Variants in ZDBF2 observed in about 807,000 individuals in gnomAD.
The protein encoded by ZDBF2 is zinc finger DBF-type containing 2.
In ZDBF2, 6 loss-of-function variants were observed where a neutral mutation model predicts 9.4. That is an observed-to-expected ratio of 0.64 (90% CI 0.35 to 1.27). The LOEUF is 1.27. ZDBF2 is among the 50% of genes most tolerant of loss of function. The pLI, the probability that ZDBF2 is intolerant of heterozygous loss-of-function variation, is 0.03. For missense variants in ZDBF2, 2,697 were observed against 2,766.8 expected (o/e 0.97, Z 0.57); for synonymous variants, 905 against 946.3 (o/e 0.96, Z 0.80).
rs761666668 is a variant in ZDBF2 at position 206,309,882 on chromosome 2, A to C, written c.5354A>C (p.His1785Pro). The C allele has an allele frequency of 8.7e-6, 14 of 1,613,982 alleles. No individual in the cohort carries two copies. In the South Asian group the frequency reaches 1.5e-4, roughly 18 times the overall value. The stretch of plus-strand genomic sequence containing the variant: ...TCTTCTGACTTGAAAGAAAAGAACC[A>C]TGATTCCCAGTCAAGCTCTGTTCTC... Reference protein sequence around the residue: ...KVSSDLKEKNHDSQSSSVLKV... With the variant: ...KVSSDLKEKNPDSQSSSVLKV... The change falls in exon 5 of 5, where the codon CAT (histidine) becomes CCT (proline). Residue 1785 changes from histidine to proline, a missense_variant. Around this residue, in one of 3 missense-constraint regions of ZDBF2, gnomAD observed 1,783 missense variants for 1,776.5 expected, o/e 1.00. Transcript: ENST00000374423.
At chr2:206,287,168 G>A (rs151232286) in intron 3 of ZDBF2, among the ~76,000 whole-genome samples, 9 of 152,286 alleles carry the variant, frequency 5.9e-5, no homozygotes, top group Non-Finnish European at 1.0e-4. Context: ...CTACCAGTGA[G>A]TTTTTATACT....
intron 4 of ZDBF2, among the ~76,000 whole-genome samples, chr2:206,298,738 C>T (rs1326869497): frequency 6.6e-6 from 1 of 151,964 alleles, no homozygotes; most frequent in African/African-American, 2.4e-5. Flanking sequence ...GTTGGCCAGG[C>T]TGGTCTTGAA....
chr2:206,282,738 AC>A (rs958635015), intron 3 of ZDBF2, among the ~76,000 whole-genome samples: 8 of 152,324 alleles, frequency 5.3e-5, no homozygotes, highest in African/African-American at 1.7e-4. Context: ...TACACCATAA[AC>A]TTGACCCTTT....
At chr2:206,281,974 T>C (rs1323903529) in intron 3 of ZDBF2, 65 bp downstream of exon 3, 26 of 1,364,470 alleles carry the variant, frequency 1.9e-5, no homozygotes, top group Non-Finnish European at 2.4e-5. Context: ...TCTTACATTT[T>C]ATTAAATTAA....
In ZDBF2 at chr2:206,311,475, A is replaced by G. The variant is rs778588054; in HGVS notation, c.6947A>G (p.Gln2316Arg). The change falls in exon 5 of 5, where the codon CAG becomes CGG. Residue 2316 changes from glutamine to arginine, a missense_variant. Physicochemically the swap from Gln to Arg is conservative, Grantham distance 43 (BLOSUM62 1). This residue lies in a region of ZDBF2 where 1,783 missense variants were observed against 1,776.5 expected (regional missense o/e 1.00). Transcript: ENST00000374423. ...KKTDESYHGRQKGPSTPVRAY... is the reference protein window; with the variant it reads ...KKTDESYHGRRKGPSTPVRAY... ...ACTGATGAAAGCTACCATGGCCGAC[A>G]GAAAGGTCCTTCTACACCTGTGAGA... is the stretch of plus-strand genomic sequence containing the variant. 5 of 1,612,390 alleles carry G rather than the reference A, an allele frequency of 3.1e-6. No individual in the cohort carries two copies. Among genetic ancestry groups the G allele is most frequent in the East Asian group, 2.2e-5 (1 of 44,866 alleles).
chr2:206,276,775 C>T (rs553376460), intron 1 of ZDBF2, among the ~76,000 whole-genome samples: 1 of 152,310 alleles, frequency 6.6e-6, no homozygotes, highest in South Asian at 2.1e-4. Flanking sequence ...AGATAATGCA[C>T]AGGAAGCTGT....
Position 206,309,729 on chromosome 2 carries a change from A to T in ZDBF2, c.5201A>T (p.His1734Leu), listed in dbSNP as rs756273364. 6.2e-7 allele frequency: 1 copy of T among 1,613,878 alleles called. No homozygotes were observed. The highest frequency in any genetic ancestry group is 8.5e-7 in the Non-Finnish European group (1 of 1,179,824). The change falls in exon 5 of 5, where the codon CAT becomes CTT. Residue 1734 changes from histidine (H) to leucine (L), a missense_variant. Around this residue, in one of 3 missense-constraint regions of ZDBF2, gnomAD observed 1,783 missense variants for 1,776.5 expected, o/e 1.00. Transcript: ENST00000374423. The stretch of plus-strand genomic sequence containing the variant: ...AAAAAAAAACGTTCGAAGCTAAAAC[A>T]TAGAGATCTAGAAGTGAGCTGTGAA... The part of the protein sequence containing the change: ...ADKKKRSKLK[H>L]RDLEVSCEPD...
At position 206,311,479 on chromosome 2, in the gene ZDBF2, A is replaced by G. The variant is rs1167956666; in HGVS notation, c.6951A>G (p.Lys2317=). The G allele has an allele frequency of 2.5e-6, 4 of 1,611,426 alleles. No homozygotes were observed. The African/African-American group carries it at 4.0e-5, about 16-fold the overall frequency. ...ATGAAAGCTACCATGGCCGACAGAAAGGTCCTTCTACACCTGTGAGAGCAT... is the reference window on the plus strand; with the variant it reads ...ATGAAAGCTACCATGGCCGACAGAAGGGTCCTTCTACACCTGTGAGAGCAT... The part of the protein sequence containing the change: ...KTDESYHGRQ[K]GPSTPVRAYD... Residue 2317 remains lysine (K), a synonymous_variant, in exon 5 of 5, where the codon AAA becomes AAG. Transcript: ENST00000374423.
rs1360577974 is a variant in ZDBF2 at position 206,308,429 on chromosome 2, C to T, written c.3901C>T (p.Pro1301Ser). The part of the protein sequence containing the change: ...EPLQSVTNKI[P>S]GANKEINLLR... The stretch of plus-strand genomic sequence containing the variant: ...CCTTCAGTCCGTAACTAATAAAATT[C>T]CAGGGGCGAATAAAGAAATAAATCT... The change falls in exon 5 of 5, where the codon CCA becomes TCA. Residue 1301 changes from proline (P) to serine (S), a missense_variant. Around this residue, in one of 3 missense-constraint regions of ZDBF2, gnomAD observed 1,783 missense variants for 1,776.5 expected, o/e 1.00. Coordinates refer to ENST00000374423, the MANE Select transcript of ZDBF2 (RefSeq NM_020923.3). The T allele has an allele frequency of 6.2e-7, 1 of 1,613,300 alleles. No individual in the cohort carries two copies. The highest frequency in any genetic ancestry group is 8.5e-7 in the Non-Finnish European group (1 of 1,179,628).
chr2:206,281,904 G>T lies in ZDBF2; in HGVS notation c.55G>T (p.Glu19Ter). Reference sequence around the variant, plus strand: ...TTGCCGTGTGCAGTATAATAACCTGGAACAGGTGAGCGGTTTCTATTAATA... The same window carrying T: ...TTGCCGTGTGCAGTATAATAACCTGTAACAGGTGAGCGGTTTCTATTAATA... ...SYCRVQYNNL[E>*]QHLFSAQHRS... Residue 19 changes from glutamate to a stop codon, truncating the protein, a stop_gained, in exon 3 of 5, where the codon GAA becomes TAA. Coordinates refer to ENST00000374423, the MANE Select transcript of ZDBF2 (RefSeq NM_020923.3). LOFTEE classifies it high-confidence loss of function. 6.2e-7 allele frequency: 1 copy of T among 1,612,406 alleles called. No homozygotes were observed. Among genetic ancestry groups the T allele is most frequent in the Non-Finnish European group, 8.5e-7 (1 of 1,179,180 alleles).
Position 206,307,815 on chromosome 2 carries a change from A to G in ZDBF2, c.3287A>G (p.Gln1096Arg). 6.2e-7 allele frequency: 1 copy of G among 1,610,908 alleles called. No individual in the cohort carries two copies. Reference protein sequence around the residue: ...QLQEAVKKIDQWKEEVIGLKN... With the variant: ...QLQEAVKKIDRWKEEVIGLKN... ...CAGGAAGCGGTTAAAAAAATAGACC[A>G]ATGGAAGGAAGAGGTTATTGGCCTG... Residue 1096 changes from glutamine to arginine, a missense_variant, in exon 5 of 5, where the codon CAA becomes CGA. Coordinates refer to ENST00000374423, the MANE Select transcript of ZDBF2 (RefSeq NM_020923.3).
In ZDBF2 at chr2:206,307,995, G is replaced by A. The variant is rs1692912545; in HGVS notation, c.3467G>A (p.Ser1156Asn). 2.5e-6 allele frequency: 4 copies of A among 1,613,702 alleles called. No homozygotes were observed. Among genetic ancestry groups the A allele is most frequent in the Non-Finnish European group, 3.4e-6 (4 of 1,179,826 alleles). The change falls in exon 5 of 5, where the codon AGT (serine) becomes AAT (asparagine). Residue 1156 changes from serine (S) to asparagine (N), a missense_variant. Ser to Asn is a conservative substitution (Grantham distance 46, BLOSUM62 1). This residue lies in a region of ZDBF2 where 1,783 missense variants were observed against 1,776.5 expected (regional missense o/e 1.00). Coordinates refer to ENST00000374423, the MANE Select transcript of ZDBF2 (RefSeq NM_020923.3). Reference protein sequence around the residue: ...MYLEVKNSQYSCSEMNLDSGF... With the variant: ...MYLEVKNSQYNCSEMNLDSGF... Reference sequence around the variant, plus strand: ...TTGGAAGTTAAGAACAGCCAATATAGTTGTTCAGAAATGAATTTGGATTCT... The same window carrying A: ...TTGGAAGTTAAGAACAGCCAATATAATTGTTCAGAAATGAATTTGGATTCT...
rs1415739290 is a variant in ZDBF2, at chr2:206,305,251, A to C, written c.723A>C (p.Ser241=). ...PDGASRNPVP[S]SHVETTSFSY... ...GGGCCTCTAGAAATCCTGTGCCATC[A>C]TCCCATGTAGAAACTACTTCATTTT... is the stretch of plus-strand genomic sequence containing the variant. Residue 241 remains serine, a synonymous_variant, in exon 5 of 5, where the codon TCA becomes TCC. Coordinates refer to ENST00000374423, the MANE Select transcript of ZDBF2 (RefSeq NM_020923.3). 6 of 1,613,648 alleles carry C rather than the reference A, an allele frequency of 3.7e-6. No homozygotes were observed.
In ZDBF2 at chr2:206,310,886, C is replaced by G; in HGVS notation, c.6358C>G (p.Gln2120Glu). The G allele has an allele frequency of 6.2e-7, 1 of 1,613,904 alleles. No individual in the cohort carries two copies. ...GGCAAGATATGGATTTAATTCACAT[C>G]AGGGAACCAGTGACTCTTCTCTGTT... ...VPARYGFNSHQGTSDSSLFLE... is the reference protein window; with the variant it reads ...VPARYGFNSHEGTSDSSLFLE... The change falls in exon 5 of 5, where the codon CAG (glutamine) becomes GAG (glutamate). Residue 2120 changes from glutamine to glutamate, a missense_variant. This residue lies in a region of ZDBF2 where 1,783 missense variants were observed against 1,776.5 expected (regional missense o/e 1.00). Transcript: ENST00000374423.
At position 206,305,724 on chromosome 2, in the gene ZDBF2, A is replaced by G. The variant is rs764147360; in HGVS notation, c.1196A>G (p.Tyr399Cys). Reference sequence around the variant, plus strand: ...GAGCAAATTGACCAAGAAGATAACTATGAGTCTAGAGGTTCAGAAATGAGT... The same window carrying G: ...GAGCAAATTGACCAAGAAGATAACTGTGAGTCTAGAGGTTCAGAAATGAGT... ...KEEQIDQEDNYESRGSEMSFD... is the reference protein window; with the variant it reads ...KEEQIDQEDNCESRGSEMSFD... The change falls in exon 5 of 5, where the codon TAT (tyrosine) becomes TGT (cysteine). Residue 399 changes from tyrosine to cysteine, a missense_variant. This residue lies in a region of ZDBF2 where 910 missense variants were observed against 973.6 expected (regional missense o/e 0.93). Coordinates refer to ENST00000374423, the MANE Select transcript of ZDBF2 (RefSeq NM_020923.3). 2.1e-5 allele frequency: 34 copies of G among 1,613,666 alleles called. 1 individual carries two copies. The highest frequency in any genetic ancestry group is 1.5e-4 in the Admixed American group (9 of 59,950).
rs751599508 is a variant in ZDBF2 at position 206,309,003 on chromosome 2, A to G, written c.4475A>G (p.Gln1492Arg). 30 of 1,613,794 alleles carry G rather than the reference A, an allele frequency of 1.9e-5. No homozygotes were observed. The highest frequency in any genetic ancestry group is 2.4e-5 in the Non-Finnish European group (28 of 1,179,860). The change falls in exon 5 of 5, where the codon CAA becomes CGA. Residue 1492 changes from glutamine to arginine, a missense_variant. Gln to Arg is a conservative substitution (Grantham distance 43, BLOSUM62 1). This residue lies in a region of ZDBF2 where 1,783 missense variants were observed against 1,776.5 expected (regional missense o/e 1.00). Transcript: ENST00000374423. ...GTTGTCATGGAAGAAAAGACCGATC[A>G]ACCTAGTGATTCAGAAATGATGTAT... Reference protein sequence around the residue: ...EHVVMEEKTDQPSDSEMMYDS... With the variant: ...EHVVMEEKTDRPSDSEMMYDS...
intron 2 of ZDBF2, among the ~76,000 whole-genome samples, chr2:206,279,874 G>A (rs1213737498): frequency 3.9e-5 from 6 of 152,192 alleles, no homozygotes; most frequent in African/African-American, 1.4e-4. Context: ...GTGTGACCTC[G>A]GCATGCTGCA....
Position 206,307,200 on chromosome 2 carries a change from T to A in ZDBF2, c.2672T>A (p.Val891Asp), listed in dbSNP as rs1692851355. ...GTGACTAATTCTCCCGAAGTAGCTG[T>A]TAAAAAGCTAAATCCTCAAAAAGAA... Reference protein sequence around the residue: ...HSVTNSPEVAVKKLNPQKEEQ... With the variant: ...HSVTNSPEVADKKLNPQKEEQ... The change falls in exon 5 of 5, where the codon GTT (valine) becomes GAT (aspartate). Residue 891 changes from valine to aspartate, a missense_variant. This residue lies in a region of ZDBF2 where 1,783 missense variants were observed against 1,776.5 expected (regional missense o/e 1.00). Coordinates refer to ENST00000374423, the MANE Select transcript of ZDBF2 (RefSeq NM_020923.3). 6.2e-7 allele frequency: 1 copy of A among 1,612,524 alleles called. No individual in the cohort carries two copies. Among genetic ancestry groups the A allele is most frequent in the African/African-American group, 1.3e-5 (1 of 74,844 alleles).
chr2:206,309,596 C>G lies in ZDBF2; in HGVS notation c.5068C>G (p.Arg1690Gly), dbSNP rs763893380. 4.3e-6 allele frequency: 7 copies of G among 1,613,818 alleles called. No individual in the cohort carries two copies. The East Asian group carries it at 1.6e-4, about 36-fold the overall frequency. Residue 1690 changes from arginine to glycine, a missense_variant, in exon 5 of 5, where the codon CGG becomes GGG. Coordinates refer to ENST00000374423, the MANE Select transcript of ZDBF2 (RefSeq NM_020923.3). ...GAAAGCTCACAAAGAAGCCAGTCTT[C>G]GGAAGGATCCAAGAAATGCTGGCCT... ...LQKAHKEASL[R>G]KDPRNAGLKG...
Sources: gnomAD v4.1 joint callset for allele counts (sites outside exome capture counted in the v4.1 genomes callset) on GRCh38, gnomAD v4.1.1 for gene constraint, gnomAD v4.1.1 regional missense constraint, MANE v1.5 for transcripts, NCBI Gene and HGNC (gene_info 2026-07-23, HGNC 2026-07-21) for gene names.